Variants in MYL12B observed in about 807,000 individuals in gnomAD.
MYL12B encodes myosin regulatory light chain 12B.
Under a neutral mutation model 12.9 loss-of-function variants are expected in MYL12B, and 3 were observed. The observed-to-expected ratio is 0.23, with a 90% CI of 0.11 to 0.60. The LOEUF is 0.60. MYL12B is among the 20% of genes least tolerant of loss of function. The pLI, the probability that MYL12B is intolerant of heterozygous loss-of-function variation, is 0.89. For synonymous variants in MYL12B, 57 were observed against 71.9 expected, an observed-to-expected ratio of 0.79 and a Z score of 1.05; for missense variants, 120 against 215.4, an observed-to-expected ratio of 0.56 and a Z score of 2.77.
intron 3 of MYL12B, 42 bp downstream of exon 3, chr18:3,277,456 A>G (rs771857271): frequency 3.2e-6 from 5 of 1,579,408 alleles, no homozygotes; most frequent in Non-Finnish European, 4.3e-6. Context: ...TCCACACTAT[A>G]TAAAGTACTT....
chr18:3,263,451 A>C (rs1276406452), intron 1 of MYL12B, among the ~76,000 whole-genome samples: 1 of 152,226 alleles, frequency 6.6e-6, no homozygotes, highest in Admixed American at 6.5e-5. Flanking sequence ...TGGACTTTAT[A>C]ACTAAGAGCA....
rs1335975609 is a variant in MYL12B, at chr18:3,278,304, T to A, written c.*367T>A. ...ATGTAATGGCAAGTTAAACAAATGA[T>A]TGATAGGTGGGGGTAGTCCTTTTTT... is the stretch of plus-strand genomic sequence containing the variant. On this transcript the variant is annotated 3_prime_UTR_variant, in exon 4 of 4. Transcript: ENST00000237500. 1 of 178,806 alleles carries A rather than the reference T, an allele frequency of 5.6e-6. No homozygotes were observed. Among genetic ancestry groups the A allele is most frequent in the Non-Finnish European group, 1.2e-5 (1 of 85,660 alleles). 11.1% of individuals were successfully genotyped at this position (178,806 alleles called of 1,614,324 possible).
chr18:3,272,884 A>G lies in MYL12B; in HGVS notation c.-15A>G. On this transcript the variant is annotated splice_region_variant and 5_prime_UTR_variant, in exon 2 of 4. Coordinates refer to ENST00000237500, the MANE Select transcript of MYL12B (RefSeq NM_033546.4). Reference sequence around the variant, plus strand: ...TTTTTGTGTTTTTTTTTTAATCCAGAATTAAACAACCACCATGTCGAGCAA... The same window carrying G: ...TTTTTGTGTTTTTTTTTTAATCCAGGATTAAACAACCACCATGTCGAGCAA... 1 of 1,553,428 alleles carries G rather than the reference A, an allele frequency of 6.4e-7. No homozygotes were observed. The highest frequency in any genetic ancestry group is 1.2e-5 in the South Asian group (1 of 81,836).
intron 1 of MYL12B, among the ~76,000 whole-genome samples, chr18:3,268,762 C>A (rs758219035): frequency 6.6e-6 from 1 of 152,166 alleles, no homozygotes; most frequent in Admixed American, 6.5e-5. Context: ...AGAAAATATA[C>A]AAGGAGAAAC....
At chr18:3,262,549 T>G (rs997937746) in intron 1 of MYL12B, 1 of 152,170 alleles carries the variant, frequency 6.6e-6, no homozygotes, top group Admixed American at 6.5e-5. Context: ...GGGCCGGCCC[T>G]GCGCCACCTG....
intron 2 of MYL12B, among the ~76,000 whole-genome samples, chr18:3,275,766 A>G (rs1268164508): frequency 6.6e-6 from 1 of 152,222 alleles, no homozygotes; most frequent in Non-Finnish European, 1.5e-5. Flanking sequence ...TTTTGGTTAC[A>G]GTTTTTCTTC....
chr18:3,272,234 A>G (rs944633372), intron 1 of MYL12B: 16 of 170,382 alleles, frequency 9.4e-5, no homozygotes, highest in Non-Finnish European at 9.7e-5. Flanking sequence ...AGTAGATATC[A>G]TGTTTTACTG....
In MYL12B at chr18:3,272,569, G is replaced by T. The variant is rs75092710; in HGVS notation, c.-15-315G>T. ...TTAGAGATGGGAGTCTCACTATGTTGCCCAGGCAAGTCTCGAACTCCTAGT... is the reference window on the plus strand; with the variant it reads ...TTAGAGATGGGAGTCTCACTATGTTTCCCAGGCAAGTCTCGAACTCCTAGT... On this transcript the variant is annotated intron_variant, in intron 1 of 3. Transcript: ENST00000237500. Among the ~76,000 whole-genome samples, 1,193 of 152,180 alleles carry T rather than the reference G, an allele frequency of 7.8e-3. 19 individuals are homozygous for T. Among genetic ancestry groups the T allele is most frequent in the African/African-American group, 0.027 (1,118 of 41,500 alleles).
In MYL12B at chr18:3,262,168, C is replaced by G. The variant is rs2081595212; in HGVS notation, c.-85C>G. The G allele has an allele frequency of 3.9e-5, 6 of 152,088 alleles. No homozygotes were observed. In the South Asian group the frequency reaches 1.0e-3, roughly 26 times the overall value. The allele number at this position is 152,088 out of a possible 1,614,324, so 9.4% of individuals were successfully genotyped here. On this transcript the variant is annotated 5_prime_UTR_variant, in exon 1 of 4. Coordinates refer to ENST00000237500, the MANE Select transcript of MYL12B (RefSeq NM_033546.4). ...TGTCGGCGCCGCCACTGTCCGGCCA[C>G]AGCCTAACGCTCTTCGCTGTCGTTT...
chr18:3,269,295 A>C (rs527703089), intron 1 of MYL12B, among the ~76,000 whole-genome samples: 17 of 152,164 alleles, frequency 1.1e-4, no homozygotes, highest in Non-Finnish European at 2.1e-4. Context: ...GGTAGTTTTG[A>C]GAGAGCCGAG....
chr18:3,272,893 A>G lies in MYL12B; in HGVS notation c.-6A>G. ...TTTTTTTTTAATCCAGAATTAAACA[A>G]CCACCATGTCGAGCAAAAAGGCAAA... On this transcript the variant is annotated 5_prime_UTR_variant, in exon 2 of 4. Transcript: ENST00000237500. The G allele has an allele frequency of 6.3e-7, 1 of 1,576,254 alleles. No individual in the cohort carries two copies. The highest frequency in any genetic ancestry group is 8.6e-7 in the Non-Finnish European group (1 of 1,165,382).
rs568020265 is a variant in MYL12B, at chr18:3,267,799, T to C, written c.-15-5085T>C. 8.7e-4 allele frequency among the ~76,000 whole-genome samples: 133 copies of C among 152,334 alleles called. 3 individuals are homozygous for C. The South Asian group carries it at 0.027, about 31-fold the overall frequency. On this transcript the variant is annotated intron_variant, in intron 1 of 3. Coordinates refer to ENST00000237500, the MANE Select transcript of MYL12B (RefSeq NM_033546.4). ...CAGTGTATATAGTCATTCATCTGTA[T>C]CTGCAGAGGGTTGGTTCCAGGACCC... is the stretch of plus-strand genomic sequence containing the variant.
At chr18:3,269,261 G>T (rs1000451010) in intron 1 of MYL12B, among the ~76,000 whole-genome samples, 1 of 152,194 alleles carries the variant, frequency 6.6e-6, no homozygotes, top group Non-Finnish European at 1.5e-5. Flanking sequence ...TCATGTTTTA[G>T]ACAGCCCTGC....
intron 1 of MYL12B, among the ~76,000 whole-genome samples, chr18:3,264,453 T>G (rs916447156): frequency 6.6e-6 from 1 of 152,190 alleles, no homozygotes; most frequent in African/African-American, 2.4e-5. Context: ...CCTGTAATCC[T>G]AATGCTTTGA....
Position 3,277,738 on chromosome 18 carries a change from T to G in MYL12B, c.347-27T>G, listed in dbSNP as rs775265483. On this transcript the variant is annotated intron_variant, in intron 3 of 3. Transcript: ENST00000237500. Reference sequence around the variant, plus strand: ...CAAAGTGCCAGGAAGTATTGATGACTGCTTTCTTCTTTCTATTGTCTTCCA... The same window carrying G: ...CAAAGTGCCAGGAAGTATTGATGACGGCTTTCTTCTTTCTATTGTCTTCCA... 4.4e-6 allele frequency: 7 copies of G among 1,593,618 alleles called. No homozygotes were observed. The South Asian group carries it at 8.0e-5, about 18-fold the overall frequency.
chr18:3,275,306 T>C (rs1248097148), intron 2 of MYL12B, among the ~76,000 whole-genome samples: 2 of 152,188 alleles, frequency 1.3e-5, no homozygotes, highest in Middle Eastern at 3.4e-3. Context: ...AGGATGGTTA[T>C]CAGAGACTGG....
At chr18:3,268,101 G>A (rs1040662687) in intron 1 of MYL12B, among the ~76,000 whole-genome samples, 4 of 152,170 alleles carry the variant, frequency 2.6e-5, no homozygotes, top group African/African-American at 7.2e-5. Flanking sequence ...TATGGGTTGG[G>A]TACTATCCCT....
chr18:3,277,241 G>C lies in MYL12B; in HGVS notation c.185-12G>C. ...TTTTTGTCTTTAAATGTTAAAATGTGTATTCTTACAGGGAAGAATCCCACT... is the reference window on the plus strand; with the variant it reads ...TTTTTGTCTTTAAATGTTAAAATGTCTATTCTTACAGGGAAGAATCCCACT... On this transcript the variant is annotated splice_polypyrimidine_tract_variant and intron_variant, in intron 2 of 3. Coordinates refer to ENST00000237500, the MANE Select transcript of MYL12B (RefSeq NM_033546.4). The C allele has an allele frequency of 6.4e-7, 1 of 1,551,348 alleles. No homozygotes were observed. Among genetic ancestry groups the C allele is most frequent in the South Asian group, 1.2e-5 (1 of 82,468 alleles).
At chr18:3,274,781 A>AGTT (rs1444990971) in intron 2 of MYL12B, among the ~76,000 whole-genome samples, 13 of 152,256 alleles carry the variant, frequency 8.5e-5, no homozygotes, top group African/African-American at 3.1e-4. Flanking sequence ...CTGTAGAAGT[A>AGTT]CGGAGTCTTT....
Sources: allele counts gnomAD v4.1 joint callset (sites outside exome capture counted in the v4.1 genomes callset), GRCh38; gene constraint gnomAD v4.1.1; transcripts MANE v1.5; gene names NCBI Gene and HGNC (gene_info 2026-07-23, HGNC 2026-07-21).